The following ERBB4 variants were observed in gnomAD, a reference collection of about 807,000 sequenced individuals.
ERBB4 encodes receptor tyrosine-protein kinase erbB-4.
Under a neutral mutation model 158.0 loss-of-function variants are expected in ERBB4, and 42 were observed. The observed-to-expected ratio is 0.27, with a 90% CI of 0.21 to 0.34. The LOEUF is 0.34. Ranked by LOEUF, ERBB4 falls within the 10% of genes least tolerant of loss-of-function variation. The pLI is 1.00. For missense variants in ERBB4, 1,333 were observed against 1,624.1 expected (o/e 0.82, Z 3.08); for synonymous variants, 583 against 558.7 (o/e 1.04, Z -0.61).
intron 1 of ERBB4, among the ~76,000 whole-genome samples, chr2:212,411,308 A>C (rs1394849476): frequency 6.6e-6 from 1 of 152,126 alleles, no homozygotes; most frequent in African/African-American, 2.4e-5. Context: ...CTTCAGCTAC[A>C]TCATCTTAAT....
At chr2:211,821,270 TA>T (rs2076989909) in intron 3 of ERBB4, among the ~76,000 whole-genome samples, 1 of 151,696 alleles carries the variant, frequency 6.6e-6, no homozygotes, top group Admixed American at 6.6e-5. Flanking sequence ...TTACAATAGC[TA>T]CTAGAAAAAT....
At chr2:211,856,398 T>TTATTTATCTATC (rs1553646934) in intron 3 of ERBB4, among the ~76,000 whole-genome samples, 12 of 145,226 alleles carry the variant, frequency 8.3e-5, no homozygotes, top group South Asian at 2.2e-4. Context: ...ATTTATTTAT[T>TTATTTATCTATC]TATCTGAGAT....
At chr2:211,524,711 T>G (rs1344645214) in intron 20 of ERBB4, among the ~76,000 whole-genome samples, 1 of 147,352 alleles carries the variant, frequency 6.8e-6, no homozygotes, top group Non-Finnish European at 1.5e-5. Flanking sequence ...GAACTCCAGC[T>G]GGCCCGCAAG....
At chr2:211,537,276 G>T (rs1000860415) in intron 20 of ERBB4, among the ~76,000 whole-genome samples, 1 of 151,424 alleles carries the variant, frequency 6.6e-6, no homozygotes, top group African/African-American at 2.4e-5. Context: ...TTTATAAACA[G>T]AAAAAATGAA....
chr2:211,689,578 G>C (rs929054834), intron 12 of ERBB4, among the ~76,000 whole-genome samples: 1 of 152,098 alleles, frequency 6.6e-6, no homozygotes, highest in African/African-American at 2.4e-5. Flanking sequence ...AATTTATAAA[G>C]ATGTAAAGAG....
intron 1 of ERBB4, among the ~76,000 whole-genome samples, chr2:212,237,176 A>T (rs1414836835): frequency 6.6e-6 from 1 of 152,166 alleles, no homozygotes; most frequent in Non-Finnish European, 1.5e-5. Flanking sequence ...TGGAATTTTC[A>T]GCCTTTCTGC....
At chr2:211,504,879 C>G (rs1033028177) in intron 20 of ERBB4, among the ~76,000 whole-genome samples, 1 of 152,026 alleles carries the variant, frequency 6.6e-6, no homozygotes, top group Non-Finnish European at 1.5e-5. Context: ...GACTAGTTTT[C>G]AAATCAACCC....
intron 1 of ERBB4, among the ~76,000 whole-genome samples, chr2:212,299,889 T>A (rs1006398347): frequency 6.6e-5 from 10 of 151,758 alleles, no homozygotes; most frequent in East Asian, 3.9e-4. Flanking sequence ...TTGTTTCAAG[T>A]TTGACATTTT....
At chr2:212,341,798 G>A (rs1289348662) in intron 1 of ERBB4, among the ~76,000 whole-genome samples, 1 of 151,988 alleles carries the variant, frequency 6.6e-6, no homozygotes, top group Non-Finnish European at 1.5e-5. Context: ...GTTTACCTTG[G>A]GCTTCAAAGG....
chr2:211,861,350 G>GTTTTTT (rs67133944), intron 3 of ERBB4, among the ~76,000 whole-genome samples: 6 of 88,948 alleles, frequency 6.7e-5, no homozygotes, highest in Non-Finnish European at 8.5e-5. Context: ...TTTTTTTTTT[G>GTTTTTT]TTTTTTTTTT....
chr2:212,057,048 G>A, intron 2 of ERBB4, among the ~76,000 whole-genome samples: 1 of 152,100 alleles, frequency 6.6e-6, no homozygotes, highest in South Asian at 2.1e-4. Context: ...CACGTGCAGA[G>A]ACACACATAG....
At chr2:211,734,822 G>A (rs1459293970) in intron 5 of ERBB4, among the ~76,000 whole-genome samples, 2 of 149,440 alleles carry the variant, frequency 1.3e-5, no homozygotes, top group East Asian at 2.0e-4. Flanking sequence ...TCGGGAGGCT[G>A]AGGCAGGAGA....
chr2:211,488,345 C>T (rs969260616), intron 20 of ERBB4, among the ~76,000 whole-genome samples: 3 of 152,018 alleles, frequency 2.0e-5, no homozygotes, highest in South Asian at 2.1e-4. Context: ...CCGTATCTTA[C>T]TTATGTATAC....
chr2:212,399,539 TA>T (rs2091131661), intron 1 of ERBB4, among the ~76,000 whole-genome samples: 1 of 19,476 alleles, frequency 5.1e-5, no homozygotes, highest in African/African-American at 5.9e-4. Context: ...ATATATTTTA[TA>T]TATACATATA....
intron 1 of ERBB4, among the ~76,000 whole-genome samples, chr2:212,435,897 T>C (rs1225090382): frequency 2.0e-5 from 3 of 151,860 alleles, no homozygotes; most frequent in Admixed American, 6.6e-5. Context: ...TATATTTAAA[T>C]ATTTTGGTGA....
At chr2:212,080,043 A>G (rs2125464087) in intron 2 of ERBB4, among the ~76,000 whole-genome samples, 1 of 152,082 alleles carries the variant, frequency 6.6e-6, no homozygotes. Flanking sequence ...ATTAACAGAA[A>G]TCAGCTGGGT....
chr2:211,519,138 C>T (rs141256051), intron 20 of ERBB4, among the ~76,000 whole-genome samples: 109 of 151,942 alleles, frequency 7.2e-4, no homozygotes, highest in African/African-American at 2.4e-3. Flanking sequence ...TCAGTGGCTC[C>T]GTCCAAGCAT....
At chr2:211,811,947 A>T (rs565415090) in intron 3 of ERBB4, among the ~76,000 whole-genome samples, 1 of 152,188 alleles carries the variant, frequency 6.6e-6, no homozygotes, top group Admixed American at 6.5e-5. Flanking sequence ...CAAGGTTGTT[A>T]GCTTCCTTGT....
intron 1 of ERBB4, among the ~76,000 whole-genome samples, chr2:212,137,170 T>C (rs2080296203): frequency 6.6e-6 from 1 of 152,274 alleles, no homozygotes; most frequent in African/African-American, 2.4e-5. Flanking sequence ...ACAATCAACT[T>C]TCCTTTTTTT....
Sources: allele counts gnomAD v4.1 joint callset (sites outside exome capture counted in the v4.1 genomes callset), GRCh38; gene constraint gnomAD v4.1.1; transcripts MANE v1.5; gene names NCBI Gene and HGNC (gene_info 2026-07-23, HGNC 2026-07-21).